RELL1: variants seen among roughly 807,000 people sequenced by gnomAD.
The protein encoded by RELL1 is RELT-like protein 1.
Under a neutral mutation model 23.0 loss-of-function variants are expected in RELL1, and 10 were observed. The observed-to-expected ratio is 0.43, with a 90% CI of 0.27 to 0.74. The LOEUF (loss-of-function observed/expected upper bound fraction) is 0.74, where lower values mean the gene tolerates loss of function less well. Among genes scored for constraint, RELL1 ranks in the 30% least tolerant of loss-of-function variants. RELL1 has a pLI of 0.19. For synonymous variants in RELL1, 146 were observed against 146.8 expected, an observed-to-expected ratio of 0.99 and a Z score of 0.04; for missense variants, 315 against 364.4, an observed-to-expected ratio of 0.86 and a Z score of 1.10.
intron 3 of RELL1, among the ~76,000 whole-genome samples, chr4:37,646,076 A>G (rs1188949801): frequency 2.0e-5 from 3 of 152,214 alleles, no homozygotes; most frequent in Admixed American, 1.3e-4. Context: ...CCACGAGCCC[A>G]TGCTGGCTAA....
At chr4:37,671,829 C>T (rs557807479) in intron 1 of RELL1, among the ~76,000 whole-genome samples, 126 of 152,158 alleles carry the variant, frequency 8.3e-4, no homozygotes, top group Non-Finnish European at 1.4e-3. Context: ...CTTCCTTGCA[C>T]GAGGTCCAAG....
chr4:37,607,973 A>T, downstream of RELL1, among the ~76,000 whole-genome samples: 1 of 152,108 alleles, frequency 6.6e-6, no homozygotes, highest in East Asian at 1.9e-4. Context: ...AAACTTTTCA[A>T]TTAATTATTA....
chr4:37,661,530 T>A (rs1045528320), intron 1 of RELL1, among the ~76,000 whole-genome samples: 2 of 152,206 alleles, frequency 1.3e-5, no homozygotes, highest in African/African-American at 2.4e-5. Flanking sequence ...TCCACCCACC[T>A]TGGCCTTTCA....
intron 1 of RELL1, among the ~76,000 whole-genome samples, chr4:37,682,461 A>G (rs1722257518): frequency 6.6e-6 from 1 of 152,196 alleles, no homozygotes; most frequent in East Asian, 1.9e-4. Context: ...CTTCAACATT[A>G]GGGCCAAAGA....
At chr4:37,605,705 GC>G (rs1719171079), downstream of RELL1, among the ~76,000 whole-genome samples, 1 of 150,774 alleles carries the variant, frequency 6.6e-6, no homozygotes, top group African/African-American at 2.5e-5. Flanking sequence ...TTGTACCACT[GC>G]ACTCTGGCCT....
At chr4:37,645,496 C>T (rs1003742747) in intron 3 of RELL1, among the ~76,000 whole-genome samples, 21 of 152,186 alleles carry the variant, frequency 1.4e-4, no homozygotes, top group Non-Finnish European at 3.1e-4. Flanking sequence ...AGATCAAAAT[C>T]CAAGTATTCT....
chr4:37,634,687 T>C (rs980317881), intron 5 of RELL1, among the ~76,000 whole-genome samples, 200 bp downstream of exon 5: 6 of 152,268 alleles, frequency 3.9e-5, no homozygotes, highest in African/African-American at 1.4e-4. Flanking sequence ...ATTTACCATC[T>C]GATCTAGCAA....
chr4:37,621,790 T>G (rs1010542969), intron 6 of RELL1, among the ~76,000 whole-genome samples: 2 of 152,202 alleles, frequency 1.3e-5, no homozygotes, highest in Non-Finnish European at 2.9e-5. Flanking sequence ...AGATATGTGT[T>G]AGGAGGAGAT....
intron 1 of RELL1, among the ~76,000 whole-genome samples, chr4:37,663,761 A>G (rs1721436268): frequency 6.6e-6 from 1 of 152,168 alleles, no homozygotes; most frequent in Non-Finnish European, 1.5e-5. Context: ...AGTGTCTGTA[A>G]GTGGCGGTGG....
intron 1 of RELL1, among the ~76,000 whole-genome samples, chr4:37,675,241 A>G (rs1465904964): frequency 6.6e-6 from 1 of 152,248 alleles, no homozygotes; most frequent in Non-Finnish European, 1.5e-5. Flanking sequence ...AAGCTCAAAA[A>G]CAAATTAAAT....
At chr4:37,661,165 C>T (rs150250311) in intron 1 of RELL1, among the ~76,000 whole-genome samples, 80 of 152,290 alleles carry the variant, frequency 5.3e-4, no homozygotes, top group African/African-American at 1.4e-3. Flanking sequence ...TACTAGTCCA[C>T]CTAGTAGCCT....
intron 5 of RELL1, among the ~76,000 whole-genome samples, chr4:37,632,279 C>T (rs1012001803): frequency 6.6e-6 from 1 of 151,902 alleles, no homozygotes; most frequent in Non-Finnish European, 1.5e-5. Context: ...TTAAGCGACT[C>T]TCCTGCCTCA....
At chr4:37,628,201 T>C (rs185878889) in intron 6 of RELL1, among the ~76,000 whole-genome samples, 1 of 152,322 alleles carries the variant, frequency 6.6e-6, no homozygotes, top group Non-Finnish European at 1.5e-5. Context: ...GCTCTACTCA[T>C]GGGACCTGCT....
intron 6 of RELL1, among the ~76,000 whole-genome samples, chr4:37,605,234 T>G (rs1414755898): frequency 6.6e-6 from 1 of 152,118 alleles, no homozygotes; most frequent in Admixed American, 6.5e-5. Context: ...GATGTGTGTA[T>G]CCGCATGGGT....
At chr4:37,634,606 A>C (rs889810098) in intron 5 of RELL1, among the ~76,000 whole-genome samples, 1 of 152,228 alleles carries the variant, frequency 6.6e-6, no homozygotes, top group Non-Finnish European at 1.5e-5. Flanking sequence ...GTGAAATATA[A>C]ATGTCTATTC....
At chr4:37,662,020 C>T (rs553047945) in intron 1 of RELL1, among the ~76,000 whole-genome samples, 4 of 152,230 alleles carry the variant, frequency 2.6e-5, no homozygotes, top group East Asian at 3.9e-4. Context: ...CCCCACCCAA[C>T]GCCAGCTGCA....
At chr4:37,665,215 A>C (rs1721490003) in intron 1 of RELL1, 1 of 456,056 alleles carries the variant, frequency 2.2e-6, no homozygotes. Context: ...CCCATTTGCC[A>C]AATGCCAACA....
chr4:37,681,688 C>T lies in RELL1; in HGVS notation c.88+4512G>A, dbSNP rs7377545. On this transcript the variant is annotated intron_variant, in intron 1 of 6. Transcript: ENST00000454158. ...GGACTACAGGCATGTGCCACCACAT[C>T]CAACTAATTTTTGTATTTCTAGTAG... Among the ~76,000 whole-genome samples the T allele has an allele frequency of 0.018, 2,776 of 152,240 alleles. 173 individuals carry two copies. In the South Asian group the frequency reaches 0.19, roughly 10 times the overall value.
chr4:37,657,079 G>A (rs771143939), intron 1 of RELL1, among the ~76,000 whole-genome samples: 1 of 152,202 alleles, frequency 6.6e-6, no homozygotes, highest in African/African-American at 2.4e-5. Flanking sequence ...TAATTTAGGA[G>A]CAGCTTGGGA....
Sources: allele counts gnomAD v4.1 joint callset (sites outside exome capture counted in the v4.1 genomes callset), GRCh38; gene constraint gnomAD v4.1.1; transcripts MANE v1.5; gene names NCBI Gene and HGNC (gene_info 2026-07-23, HGNC 2026-07-21).